The following PDGFD variants were observed in gnomAD, a reference collection of about 807,000 sequenced individuals.
The protein encoded by PDGFD is platelet derived growth factor D.
In PDGFD, 30 loss-of-function variants were observed where a neutral mutation model predicts 44.7. That is an observed-to-expected ratio of 0.67 (90% confidence interval 0.50 to 0.91). The LOEUF is 0.91. PDGFD is among the 40% of genes least tolerant of loss of function. The probability of loss-of-function intolerance (pLI) is 0.00; values close to 1 mark genes in which losing one functional copy is unlikely to be tolerated. For missense variants in PDGFD, 445 were observed against 457.8 expected, an observed-to-expected ratio of 0.97 and a Z score of 0.25; for synonymous variants, 173 against 168.4, an observed-to-expected ratio of 1.03 and a Z score of -0.21.
chr11:104,127,268 G>A (rs1241875223), intron 1 of PDGFD, among the ~76,000 whole-genome samples: 4 of 152,088 alleles, frequency 2.6e-5, no homozygotes, highest in African/African-American at 9.7e-5. Flanking sequence ...GAATTGCCTG[G>A]ACATCTTTTG....
At chr11:104,125,688 C>T (rs543476724) in intron 1 of PDGFD, among the ~76,000 whole-genome samples, 13 of 152,266 alleles carry the variant, frequency 8.5e-5, no homozygotes. Context: ...AATCAAATTA[C>T]ATGCTATTAC....
chr11:103,985,558 A>C (rs1016315038), intron 3 of PDGFD, among the ~76,000 whole-genome samples: 4 of 151,788 alleles, frequency 2.6e-5, no homozygotes, highest in African/African-American at 9.7e-5. Context: ...GAGGGCTTGA[A>C]TTCTTAAGGA....
chr11:104,065,559 A>G (rs191455862), intron 1 of PDGFD, among the ~76,000 whole-genome samples: 241 of 152,352 alleles, frequency 1.6e-3, no homozygotes, highest in African/African-American at 5.4e-3. Context: ...GGAATATAAA[A>G]CTTCTTAAAA....
rs1011660190 is a variant in PDGFD at position 103,943,381 on chromosome 11, A to G, written c.772+71T>C. ...ACTTCTGGTTTCAAATACTTTGGAT[A>G]AGGGATACTCAGCTTGTACTGTTAA... On this transcript the variant is annotated intron_variant, in intron 5 of 6. Coordinates refer to ENST00000393158, the MANE Select transcript of PDGFD (RefSeq NM_025208.5). 2.1e-6 allele frequency: 3 copies of G among 1,403,708 alleles called. No individual in the cohort carries two copies. In the African/African-American group the frequency reaches 4.3e-5, roughly 20 times the overall value. The allele number at this position is 1,403,708 out of a possible 1,614,324, so 87.0% of individuals were successfully genotyped here. A position where few individuals can be genotyped will look rare whatever the true frequency, so the allele number is the denominator to read the frequency against.
At chr11:103,956,119 A>C (rs1858841685) in intron 3 of PDGFD, among the ~76,000 whole-genome samples, 1 of 148,960 alleles carries the variant, frequency 6.7e-6, no homozygotes, top group Non-Finnish European at 1.5e-5. Flanking sequence ...TGTGCAGGTT[A>C]GTTACATATG....
chr11:104,100,490 A>G (rs1023551917), intron 1 of PDGFD, among the ~76,000 whole-genome samples: 1 of 152,140 alleles, frequency 6.6e-6, no homozygotes, highest in African/African-American at 2.4e-5. Context: ...CCAACCAAAA[A>G]AAGTCCAGGA....
At chr11:103,917,939 T>C (rs1243750645) in intron 6 of PDGFD, among the ~76,000 whole-genome samples, 1 of 152,208 alleles carries the variant, frequency 6.6e-6, no homozygotes. Flanking sequence ...GGTCTGCACA[T>C]TCCTTTCATT....
chr11:104,019,877 G>GA (rs1169172706), intron 1 of PDGFD, among the ~76,000 whole-genome samples: 2 of 152,008 alleles, frequency 1.3e-5, no homozygotes, highest in South Asian at 2.1e-4. Context: ...GTGTCTTCGG[G>GA]AAAAAAATCA....
Position 103,908,213 on chromosome 11 carries a change from C to T in PDGFD, c.*1481G>A, listed in dbSNP as rs1200994096. Reference sequence around the variant, plus strand: ...AGCAGTCCCTGAGCTATCTGAATTTCGGTGTTTCTCTCTTAAGCCTCTTGC... The same window carrying T: ...AGCAGTCCCTGAGCTATCTGAATTTTGGTGTTTCTCTCTTAAGCCTCTTGC... On this transcript the variant is annotated 3_prime_UTR_variant, in exon 7 of 7. Transcript: ENST00000393158. 6.6e-6 allele frequency: 1 copy of T among 152,190 alleles called. No homozygotes were observed. Among genetic ancestry groups the T allele is most frequent in the African/African-American group, 2.4e-5 (1 of 41,448 alleles). 9.4% of individuals were successfully genotyped at this position (152,190 alleles called of 1,614,324 possible). A position where few individuals can be genotyped will look rare whatever the true frequency, so the allele number is the denominator to read the frequency against.
chr11:104,099,844 T>G (rs1861345401), intron 1 of PDGFD, among the ~76,000 whole-genome samples: 1 of 152,042 alleles, frequency 6.6e-6, no homozygotes, highest in Admixed American at 6.6e-5. Context: ...ATTGCTAACG[T>G]AGATATCACC....
intron 1 of PDGFD, among the ~76,000 whole-genome samples, chr11:104,108,747 C>A (rs545462823): frequency 2.0e-5 from 3 of 152,254 alleles, no homozygotes; most frequent in South Asian, 4.1e-4. Flanking sequence ...AAGGCACATG[C>A]ACACGTGTGT....
intron 1 of PDGFD, among the ~76,000 whole-genome samples, chr11:104,041,270 A>G (rs562639995): frequency 3.9e-5 from 6 of 152,236 alleles, no homozygotes; most frequent in Admixed American, 1.3e-4. Flanking sequence ...CTTGTAACCA[A>G]CTAAGAGCAA....
chr11:103,940,470 G>A (rs1332182666), intron 5 of PDGFD, among the ~76,000 whole-genome samples: 3 of 152,194 alleles, frequency 2.0e-5, no homozygotes, highest in African/African-American at 7.2e-5. Flanking sequence ...CTGATAGAAG[G>A]AGACTTTTTG....
chr11:103,923,049 C>T (rs920119586), intron 6 of PDGFD, among the ~76,000 whole-genome samples: 2 of 152,196 alleles, frequency 1.3e-5, no homozygotes, highest in Non-Finnish European at 2.9e-5. Flanking sequence ...CAGGTTGAAC[C>T]ACTTTTTTGG....
intron 1 of PDGFD, among the ~76,000 whole-genome samples, chr11:104,158,563 T>G (rs1182770278): frequency 6.6e-6 from 1 of 152,264 alleles, no homozygotes; most frequent in African/African-American, 2.4e-5. Context: ...CCGGGCGCAC[T>G]GGCTTACGCC....
chr11:104,061,229 A>T (rs545893099), intron 1 of PDGFD, among the ~76,000 whole-genome samples: 1 of 152,170 alleles, frequency 6.6e-6, no homozygotes, highest in African/African-American at 2.4e-5. Context: ...ACACTAAGTA[A>T]GAAAATAATT....
At chr11:103,962,451 G>A (rs1331901121) in intron 3 of PDGFD, among the ~76,000 whole-genome samples, 1 of 152,050 alleles carries the variant, frequency 6.6e-6, no homozygotes, top group Non-Finnish European at 1.5e-5. Flanking sequence ...TCATAAAGAT[G>A]CTTGAATACA....
intron 1 of PDGFD, among the ~76,000 whole-genome samples, chr11:104,016,099 T>C (rs1040247366): frequency 1.2e-4 from 18 of 152,304 alleles, no homozygotes; most frequent in Non-Finnish European, 2.4e-4. Context: ...GCTGGTCTTA[T>C]AAAAGCTAAT....
intron 1 of PDGFD, among the ~76,000 whole-genome samples, chr11:104,033,563 G>T (rs933665310): frequency 6.6e-6 from 1 of 152,122 alleles, no homozygotes; most frequent in Non-Finnish European, 1.5e-5. Context: ...TAGAAAAAAA[G>T]ATGTTAGTTT....
Sources: allele counts gnomAD v4.1 joint callset (sites outside exome capture counted in the v4.1 genomes callset), GRCh38; gene constraint gnomAD v4.1.1; transcripts MANE v1.5; gene names NCBI Gene and HGNC (gene_info 2026-07-23, HGNC 2026-07-21).